The following SPATA17 variants were observed in gnomAD, a reference collection of about 807,000 sequenced individuals.
SPATA17 encodes the protein spermatogenesis associated 17.
Under a neutral mutation model 62.2 loss-of-function variants are expected in SPATA17, and 53 were observed. The ratio of observed to expected loss-of-function variants is 0.85; its 90% CI spans 0.68 to 1.07. The LOEUF is 1.07. Ranked by LOEUF, SPATA17 falls within the 50% of genes least tolerant of loss-of-function variation. SPATA17 has a pLI of 0.00. For synonymous variants in SPATA17, 146 were observed against 146.8 expected, an observed-to-expected ratio of 0.99 and a Z score of 0.04; for missense variants, 466 against 425.5, an observed-to-expected ratio of 1.10 and a Z score of -0.84.
chr1:217,713,069 A>G (rs1293714604), intron 5 of SPATA17, among the ~76,000 whole-genome samples: 1 of 152,060 alleles, frequency 6.6e-6, no homozygotes, highest in African/African-American at 2.4e-5. Flanking sequence ...TTAAGACTAA[A>G]CCCACTGGAA....
intron 5 of SPATA17, among the ~76,000 whole-genome samples, chr1:217,699,469 C>A (rs192712604): frequency 6.6e-6 from 1 of 152,140 alleles, no homozygotes; most frequent in Non-Finnish European, 1.5e-5. Flanking sequence ...AAGTTTAATA[C>A]CTTTTCATGT....
At chr1:217,855,372 C>T (rs1675758266) in intron 9 of SPATA17, among the ~76,000 whole-genome samples, 1 of 152,164 alleles carries the variant, frequency 6.6e-6, no homozygotes, top group Non-Finnish European at 1.5e-5. Context: ...ACAGATCATT[C>T]TAACTAACAC....
intron 4 of SPATA17, among the ~76,000 whole-genome samples, chr1:217,681,135 G>A (rs564889158): frequency 1.3e-5 from 2 of 151,058 alleles, no homozygotes; most frequent in African/African-American, 4.8e-5. Flanking sequence ...GCTGAGGCAG[G>A]AGAATCGCTT....
At chr1:217,728,522 A>T (rs1228215493) in intron 5 of SPATA17, among the ~76,000 whole-genome samples, 6 of 152,070 alleles carry the variant, frequency 3.9e-5, no homozygotes, top group Non-Finnish European at 8.8e-5. Context: ...ATTAAGATTA[A>T]TTTTTTTATG....
At chr1:217,671,312 A>G (rs1226225501) in intron 4 of SPATA17, among the ~76,000 whole-genome samples, 1 of 152,206 alleles carries the variant, frequency 6.6e-6, no homozygotes, top group Non-Finnish European at 1.5e-5. Flanking sequence ...GACTGACTTC[A>G]GGATAAAAGA....
At chr1:217,814,610 G>A (rs1331866382) in intron 9 of SPATA17, among the ~76,000 whole-genome samples, 1 of 152,090 alleles carries the variant, frequency 6.6e-6, no homozygotes, top group African/African-American at 2.4e-5. Context: ...CACTTTGGGA[G>A]GCTGAGGCAG....
intron 5 of SPATA17, among the ~76,000 whole-genome samples, chr1:217,703,553 TA>T (rs1016789430): frequency 6.6e-6 from 1 of 152,238 alleles, no homozygotes. Flanking sequence ...GACAGCTCTC[TA>T]GTATCTTTAC....
Position 217,686,783 on chromosome 1 carries a change from A to T in SPATA17, c.395+3422A>T, listed in dbSNP as rs528891926. 1.5e-4 allele frequency among the ~76,000 whole-genome samples: 23 copies of T among 152,302 alleles called. No homozygotes were observed. In the South Asian group the frequency reaches 3.1e-3, roughly 21 times the overall value. On this transcript the variant is annotated intron_variant, in intron 5 of 10. Transcript: ENST00000366933. ...TGCCCAGTCTGGAATGCAGTGGCAC[A>T]ATCTTGACTCACTGCAACCTCTGCC...
chr1:217,854,155 T>C (rs1175837026), intron 9 of SPATA17, among the ~76,000 whole-genome samples: 2 of 152,152 alleles, frequency 1.3e-5, no homozygotes, highest in Non-Finnish European at 2.9e-5. Flanking sequence ...CTCAGCAGTA[T>C]GTGAGTGGTT....
intron 8 of SPATA17, among the ~76,000 whole-genome samples, chr1:217,790,560 C>T (rs971974609): frequency 6.6e-6 from 1 of 152,156 alleles, no homozygotes; most frequent in African/African-American, 2.4e-5. Flanking sequence ...CCTGCCTCAG[C>T]CTCCTGAGTA....
chr1:217,720,750 A>T lies in SPATA17; in HGVS notation c.396-21225A>T, dbSNP rs1487644993. ...AGAGAGAAATCTAGAGAATACAGAA[A>T]TAGTAAATACTGGGAGAAGTCAGCA... On this transcript the variant is annotated intron_variant, in intron 5 of 10. Coordinates refer to ENST00000366933, the MANE Select transcript of SPATA17 (RefSeq NM_138796.4). Among the ~76,000 whole-genome samples the T allele has an allele frequency of 4.6e-5, 7 of 152,358 alleles. No individual in the cohort carries two copies. The South Asian group carries it at 1.0e-3, about 23-fold the overall frequency.
intron 8 of SPATA17, among the ~76,000 whole-genome samples, chr1:217,793,436 G>T (rs982469133): frequency 1.3e-5 from 2 of 151,972 alleles, no homozygotes; most frequent in Non-Finnish European, 2.9e-5. Flanking sequence ...TAGCCAGGAT[G>T]GTCTCGATCT....
chr1:217,742,053 A>T lies in SPATA17; in HGVS notation c.474A>T (p.Arg158Ser), dbSNP rs1211553561. ...ACCTCGAAAGGGAAGAGAAGAAAAGAGATTACCAAGCCCGAAAGATGCATT... is the reference window on the plus strand; with the variant it reads ...ACCTCGAAAGGGAAGAGAAGAAAAGTGATTACCAAGCCCGAAAGATGCATT... ...KANLEREEKK[R>S]DYQARKMHYL... The change falls in exon 6 of 11, where the codon AGA (arginine) becomes AGT (serine). Residue 158 changes from arginine (R) to serine (S), a missense_variant. Transcript: ENST00000366933. 3.1e-6 allele frequency: 5 copies of T among 1,614,184 alleles called. No homozygotes were observed. Among genetic ancestry groups the T allele is most frequent in the Non-Finnish European group, 4.2e-6 (5 of 1,180,026 alleles).
Position 217,804,407 on chromosome 1 carries a change from A to G in SPATA17, c.1005+2557A>G, listed in dbSNP as rs76958603. The stretch of plus-strand genomic sequence containing the variant: ...ACACCATATGCAAATATCAACTAAA[A>G]CTAGATTAAGACCTGAAACTGTAAA... On this transcript the variant is annotated intron_variant, in intron 9 of 10. Transcript: ENST00000366933. Among the ~76,000 whole-genome samples the G allele has an allele frequency of 1.9e-3, 289 of 152,296 alleles. 1 individual carries two copies. Among genetic ancestry groups the G allele is most frequent in the African/African-American group, 6.5e-3 (271 of 41,566 alleles).
At chr1:217,809,130 C>A (rs1674518937) in intron 9 of SPATA17, among the ~76,000 whole-genome samples, 1 of 151,900 alleles carries the variant, frequency 6.6e-6, no homozygotes, top group Non-Finnish European at 1.5e-5. Flanking sequence ...TTTTTAAGGA[C>A]ATTATAAATA....
intron 6 of SPATA17, among the ~76,000 whole-genome samples, chr1:217,744,548 C>A (rs913784035): frequency 6.6e-6 from 1 of 151,328 alleles, no homozygotes; most frequent in African/African-American, 2.4e-5. Flanking sequence ...TCAGGTATTA[C>A]CATTGTGTTT....
intron 2 of SPATA17, among the ~76,000 whole-genome samples, chr1:217,649,779 C>G (rs1298295749): frequency 6.7e-6 from 1 of 148,770 alleles, no homozygotes; most frequent in Non-Finnish European, 1.5e-5. Flanking sequence ...AGTGTCCCAT[C>G]AATTCTTAAA....
At chr1:217,689,221 C>CTTTTTTTTTTTTT (rs200885875) in intron 5 of SPATA17, among the ~76,000 whole-genome samples, 8 of 102,598 alleles carry the variant, frequency 7.8e-5, no homozygotes, top group African/African-American at 1.1e-4. Flanking sequence ...TTTATTATGT[C>CTTTTTTTTTTTTT]TTTTTTTTTT....
At chr1:217,693,242 G>A (rs1427194729) in intron 5 of SPATA17, among the ~76,000 whole-genome samples, 4 of 146,424 alleles carry the variant, frequency 2.7e-5, no homozygotes, top group East Asian at 4.1e-4. Context: ...GTCGAGGAAT[G>A]TATCCATTTC....
Sources: gnomAD v4.1 joint callset for allele counts (sites outside exome capture counted in the v4.1 genomes callset) on GRCh38, gnomAD v4.1.1 for gene constraint, MANE v1.5 for transcripts, NCBI Gene and HGNC (gene_info 2026-07-23, HGNC 2026-07-21) for gene names.